HNF4A: variants seen among roughly 807,000 people sequenced by gnomAD.
HNF4A encodes hepatocyte nuclear factor 4 alpha.
Under a neutral mutation model 52.4 loss-of-function variants are expected in HNF4A, and 15 were observed. The observed-to-expected ratio is 0.29, with a 90% CI of 0.19 to 0.44. The LOEUF is 0.44. Among genes scored for constraint, HNF4A ranks in the 20% least tolerant of loss-of-function variants. The pLI is 1.00. For synonymous variants in HNF4A, 280 were observed against 264.4 expected, an observed-to-expected ratio of 1.06 and a Z score of -0.57; for missense variants, 479 against 647.2, an observed-to-expected ratio of 0.74 and a Z score of 2.82.
At chr20:44,384,582 A>G (rs1357597925) in intron 1 of HNF4A, 1 of 152,162 alleles carries the variant, frequency 6.6e-6, no homozygotes, top group Non-Finnish European at 1.5e-5. Context: ...AACGATTCAT[A>G]TCTATACTTG....
chr20:44,429,452 C>T (rs912294773), intron 9 of HNF4A, 71 bp from the exon 10 acceptor site: 13 of 1,591,614 alleles, frequency 8.2e-6, no homozygotes, highest in East Asian at 2.2e-5. Flanking sequence ...AGAACTTTCC[C>T]GGGCCTCTTC....
intron 1 of HNF4A, among the ~76,000 whole-genome samples, chr20:44,372,574 A>C (rs1211539180): frequency 6.6e-6 from 1 of 152,204 alleles, no homozygotes; most frequent in Non-Finnish European, 1.5e-5. Flanking sequence ...GTCAATTTGA[A>C]AGCTAAATAC....
chr20:44,399,085 G>A (rs1384754080), upstream of HNF4A, among the ~76,000 whole-genome samples: 3 of 152,178 alleles, frequency 2.0e-5, no homozygotes, highest in Non-Finnish European at 2.9e-5. Context: ...CCCCTTGGTC[G>A]GATCTTCTGT....
rs3212195 is a variant in HNF4A at position 44,414,455 on chromosome 20, G to A, written c.493-52G>A. ...GGGGGCTCTGTGCAGGGGACAGAGA[G>A]TGCGGGAGGGCCCGGACATCTCCAG... is the stretch of plus-strand genomic sequence containing the variant. On this transcript the variant is annotated intron_variant, in intron 4 of 9. Transcript: ENST00000316099. 307,086 of 1,612,852 alleles carry A rather than the reference G, an allele frequency of 0.19. 30,948 individuals are homozygous for A. The highest frequency in any genetic ancestry group is 0.21 in the African/African-American group (15,836 of 74,984).
intron 1 of HNF4A, among the ~76,000 whole-genome samples, chr20:44,364,056 C>A (rs938225328): frequency 6.6e-5 from 10 of 152,152 alleles, no homozygotes; most frequent in African/African-American, 2.4e-4. Flanking sequence ...ACACAGTATT[C>A]CCTGGGTCCT....
chr20:44,418,130 G>T (rs992876313), intron 5 of HNF4A, among the ~76,000 whole-genome samples: 1 of 152,078 alleles, frequency 6.6e-6, no homozygotes, highest in Non-Finnish European at 1.5e-5. Flanking sequence ...CACACAGAAT[G>T]TTGCTTACAG....
chr20:44,422,007 G>T (rs547768069), intron 7 of HNF4A, among the ~76,000 whole-genome samples: 1 of 151,750 alleles, frequency 6.6e-6, no homozygotes, highest in South Asian at 2.1e-4. Context: ...TACCAACATG[G>T]TACCTGTGAA....
intron 1 of HNF4A, among the ~76,000 whole-genome samples, chr20:44,386,159 A>ATTTT (rs35559000): frequency 1.1e-4 from 8 of 73,056 alleles, no homozygotes; most frequent in Admixed American, 1.9e-4. Context: ...CCACCATCTG[A>ATTTT]TTTTTTTTTT....
At chr20:44,404,259 G>A (rs1444795441) in intron 1 of HNF4A, among the ~76,000 whole-genome samples, 2 of 152,152 alleles carry the variant, frequency 1.3e-5, no homozygotes, top group African/African-American at 2.4e-5. Flanking sequence ...GGAATATCAC[G>A]TTCCCCATTT....
intron 1 of HNF4A, chr20:44,389,529 A>T (rs2063276206): frequency 6.6e-6 from 1 of 152,218 alleles, no homozygotes; most frequent in Non-Finnish European, 1.5e-5. Context: ...CACCCCTCTG[A>T]GGGGGATATT....
intron 1 of HNF4A, among the ~76,000 whole-genome samples, chr20:44,382,270 C>T (rs113061298): frequency 0.02 from 3,026 of 148,370 alleles, 39 homozygotes; most frequent in Non-Finnish European, 0.032. Flanking sequence ...GACGAACTCT[C>T]GCTCTGCTGC....
At chr20:44,407,533 C>A in intron 3 of HNF4A, 58 bp downstream of exon 3, 1 of 1,172,292 alleles carries the variant, frequency 8.5e-7, no homozygotes, top group Non-Finnish European at 1.2e-6. Flanking sequence ...CACAGCTCCC[C>A]GACAGTCATT....
Position 44,420,020 on chromosome 20 carries a change from G to T in HNF4A, c.892+144G>T, listed in dbSNP as rs1325458856. ...GAGAGGCCGTTTTCATTTAACAGAT[G>T]AGGCAAGTCAAGATTTGAAGAGACA... On this transcript the variant is annotated intron_variant, in intron 7 of 9. Transcript: ENST00000316099. The T allele has an allele frequency of 5.8e-6, 5 of 866,986 alleles. No individual in the cohort carries two copies. The Admixed American group carries it at 9.1e-5, about 16-fold the overall frequency. 53.7% of individuals were successfully genotyped at this position (866,986 alleles called of 1,614,324 possible).
intron 1 of HNF4A, among the ~76,000 whole-genome samples, chr20:44,364,187 C>G (rs2062947101): frequency 6.6e-6 from 1 of 152,110 alleles, no homozygotes; most frequent in Admixed American, 6.6e-5. Flanking sequence ...AGAGACACTT[C>G]TTTTTGACTT....
At chr20:44,382,435 C>A (rs2063167076) in intron 1 of HNF4A, among the ~76,000 whole-genome samples, 1 of 152,112 alleles carries the variant, frequency 6.6e-6, no homozygotes, top group East Asian at 1.9e-4. Context: ...GATGGAGTTT[C>A]ACCATGTTGG....
In HNF4A at chr20:44,401,369, G is replaced by A; in HGVS notation, c.-4G>A. On this transcript the variant is annotated 5_prime_UTR_variant, in exon 1 of 10. Transcript: ENST00000316099. Reference sequence around the variant, plus strand: ...CAGGTGGCCGCGGCGTGGAGGCAGGGAGAATGCGACTCTCCAAAACCCTCG... The same window carrying A: ...CAGGTGGCCGCGGCGTGGAGGCAGGAAGAATGCGACTCTCCAAAACCCTCG... The A allele has an allele frequency of 6.2e-7, 1 of 1,614,118 alleles. No individual in the cohort carries two copies. Among genetic ancestry groups the A allele is most frequent in the Non-Finnish European group, 8.5e-7 (1 of 1,180,024 alleles).
At chr20:44,409,010 T>C (rs2063543580) in intron 3 of HNF4A, among the ~76,000 whole-genome samples, 1 of 152,040 alleles carries the variant, frequency 6.6e-6, no homozygotes, top group Admixed American at 6.5e-5. Context: ...CCCCTGTATC[T>C]GCTCCTGGCC....
intron 3 of HNF4A, among the ~76,000 whole-genome samples, chr20:44,411,497 C>T (rs3212193): frequency 0.2 from 28,088 of 139,620 alleles, 2,720 homozygotes; most frequent in Non-Finnish European, 0.22. Context: ...TGGGTGGGTG[C>T]GGGTGCTGGC....
chr20:44,378,365 T>C (rs1403163516), intron 1 of HNF4A, among the ~76,000 whole-genome samples: 1 of 151,782 alleles, frequency 6.6e-6, no homozygotes, highest in Non-Finnish European at 1.5e-5. Flanking sequence ...CCTCCCAGGT[T>C]CAAGTGATTT....
Sources: allele counts gnomAD v4.1 joint callset (sites outside exome capture counted in the v4.1 genomes callset), GRCh38; gene constraint gnomAD v4.1.1; transcripts MANE v1.5; gene names NCBI Gene and HGNC (gene_info 2026-07-23, HGNC 2026-07-21).